ZFHX3: variants seen among roughly 807,000 people sequenced by gnomAD.
The protein encoded by ZFHX3 is zinc finger homeobox 3, also known as zinc finger homeobox protein 3.
ZFHX3 carries 42 observed loss-of-function variants against 279.1 expected under a neutral mutation model. That is an observed-to-expected ratio of 0.15 (90% confidence interval 0.12 to 0.19). The LOEUF is 0.19. Ranked by LOEUF, ZFHX3 falls within the 10% of genes least tolerant of loss-of-function variation. The probability of loss-of-function intolerance (pLI) is 1.00; values close to 1 mark genes in which losing one functional copy is unlikely to be tolerated. For synonymous variants in ZFHX3, 2,293 were observed against 1,957.8 expected (o/e 1.17, Z -4.52); for missense variants, 4,981 against 4,754.0 (o/e 1.05, Z -1.40).
intron 4 of ZFHX3, among the ~76,000 whole-genome samples, chr16:73,287,890 G>C (rs1402790953): frequency 6.6e-6 from 1 of 152,002 alleles, no homozygotes; most frequent in East Asian, 1.9e-4. Flanking sequence ...GTGTACGGCT[G>C]TGTGGGTGTG....
intron 2 of ZFHX3, among the ~76,000 whole-genome samples, chr16:73,553,274 A>C (rs2020228252): frequency 6.6e-6 from 1 of 151,912 alleles, no homozygotes; most frequent in Admixed American, 6.6e-5. Context: ...CCTTAATCTC[A>C]ACACATTTTG....
At chr16:72,876,513 GTT>G (rs1684383746) in intron 4 of ZFHX3, among the ~76,000 whole-genome samples, 1 of 151,688 alleles carries the variant, frequency 6.6e-6, no homozygotes, top group Admixed American at 6.6e-5. Flanking sequence ...CCGTTGGAAA[GTT>G]TTATTAACCA....
chr16:72,941,478 C>T (rs555762725), intron 3 of ZFHX3, among the ~76,000 whole-genome samples: 10 of 152,248 alleles, frequency 6.6e-5, no homozygotes, highest in East Asian at 3.9e-4. Context: ...AAACAAAACA[C>T]GGGATGCCCA....
At chr16:72,983,630 C>T (rs1465179228) in intron 1 of ZFHX3, among the ~76,000 whole-genome samples, 1 of 152,092 alleles carries the variant, frequency 6.6e-6, no homozygotes, top group Non-Finnish European at 1.5e-5. Flanking sequence ...TCGCTTGAGC[C>T]CAGGAGTTCG....
intron 4 of ZFHX3, among the ~76,000 whole-genome samples, chr16:73,311,763 T>C (rs1416297658): frequency 6.6e-6 from 1 of 152,204 alleles, no homozygotes; most frequent in Non-Finnish European, 1.5e-5. Flanking sequence ...ACCTCAGTGA[T>C]TTGAAACATA....
intron 1 of ZFHX3, among the ~76,000 whole-genome samples, chr16:73,040,839 A>G (rs998945164): frequency 1.3e-5 from 2 of 152,216 alleles, no homozygotes; most frequent in Non-Finnish European, 2.9e-5. Flanking sequence ...TATTTCATTT[A>G]CTTCCCACTA....
At chr16:73,872,193 A>C (rs2046414923) in intron 1 of ZFHX3, among the ~76,000 whole-genome samples, 1 of 152,088 alleles carries the variant, frequency 6.6e-6, no homozygotes, top group Non-Finnish European at 1.5e-5. Flanking sequence ...CTTATTCTCC[A>C]ATATGGCTGC....
At chr16:73,841,918 A>G (rs1473914134) in intron 1 of ZFHX3, among the ~76,000 whole-genome samples, 5 of 151,854 alleles carry the variant, frequency 3.3e-5, no homozygotes, top group Admixed American at 2.0e-4. Flanking sequence ...ACTTTATATG[A>G]AAAACAATGA....
intron 5 of ZFHX3, among the ~76,000 whole-genome samples, chr16:73,220,624 C>T (rs1317915583): frequency 6.6e-6 from 1 of 152,172 alleles, no homozygotes; most frequent in African/African-American, 2.4e-5. Flanking sequence ...CTGCTATGTT[C>T]ATTGCACAGT....
chr16:72,946,661 C>T (rs935927293), intron 3 of ZFHX3, among the ~76,000 whole-genome samples: 1 of 152,182 alleles, frequency 6.6e-6, no homozygotes, highest in African/African-American at 2.4e-5. Context: ...CGTGGAAGAG[C>T]TGGTGCCAGC....
chr16:73,516,931 C>A (rs2019532695), intron 2 of ZFHX3, among the ~76,000 whole-genome samples: 2 of 152,198 alleles, frequency 1.3e-5, no homozygotes, highest in South Asian at 4.1e-4. Flanking sequence ...TAAGAGGTGT[C>A]TTTGCATTTG....
intron 2 of ZFHX3, among the ~76,000 whole-genome samples, chr16:73,585,929 A>G (rs989843989): frequency 2.6e-5 from 4 of 152,218 alleles, no homozygotes; most frequent in African/African-American, 9.6e-5. Context: ...AAAAAAATAA[A>G]CGTGGGATAA....
intron 3 of ZFHX3, among the ~76,000 whole-genome samples, chr16:73,335,431 A>G (rs1254548522): frequency 6.6e-6 from 1 of 152,224 alleles, no homozygotes; most frequent in Non-Finnish European, 1.5e-5. Context: ...GAATATATCC[A>G]GTATTTCCAG....
Position 72,950,496 on chromosome 16 carries a change from C to T in ZFHX3, c.3189G>A (p.Arg1063=). 2 of 1,614,086 alleles carry T rather than the reference C, an allele frequency of 1.2e-6. No homozygotes were observed. The highest frequency in any genetic ancestry group is 1.7e-4 in the Middle Eastern group (1 of 6,058). The change falls in exon 3 of 10, where the codon AGG becomes AGA. Residue 1063 remains arginine (R), a synonymous_variant. Transcript: ENST00000268489. ...TGTACAACTTCAGGCTGGCCTCGTG[C>T]CTGGAGTTGACCGTGTGCAGCCGCA... The part of the protein sequence containing the change: ...EKLRLHTVNS[R]HEASLKLYKH...
At chr16:73,695,843 C>T (rs1489982393) in intron 1 of ZFHX3, among the ~76,000 whole-genome samples, 1 of 152,112 alleles carries the variant, frequency 6.6e-6, no homozygotes. Context: ...TCTCCACTGC[C>T]TTCTCTCCCA....
intron 2 of ZFHX3, among the ~76,000 whole-genome samples, chr16:73,528,737 G>A (rs2019738896): frequency 6.6e-6 from 1 of 152,194 alleles, no homozygotes; most frequent in Non-Finnish European, 1.5e-5. Flanking sequence ...GTTCAGTCTT[G>A]TTTTGACCAA....
At chr16:72,939,353 A>C (rs1471439528) in intron 3 of ZFHX3, among the ~76,000 whole-genome samples, 1 of 152,206 alleles carries the variant, frequency 6.6e-6, no homozygotes, top group Non-Finnish European at 1.5e-5. Context: ...AATCTGGAAC[A>C]TGAAACATTC....
intron 5 of ZFHX3, among the ~76,000 whole-genome samples, chr16:73,149,783 A>G (rs1048762823): frequency 6.6e-6 from 1 of 152,204 alleles, no homozygotes; most frequent in African/African-American, 2.4e-5. Flanking sequence ...AACAATAATT[A>G]TTATTTAATA....
chr16:73,525,280 G>T (rs760848089), intron 2 of ZFHX3, among the ~76,000 whole-genome samples: 2 of 152,186 alleles, frequency 1.3e-5, no homozygotes, highest in Non-Finnish European at 2.9e-5. Flanking sequence ...ACAAGCCAAA[G>T]TCACGCCACT....
Sources: gnomAD v4.1 joint callset for allele counts (sites outside exome capture counted in the v4.1 genomes callset) on GRCh38, gnomAD v4.1.1 for gene constraint, MANE v1.5 for transcripts, NCBI Gene and HGNC (gene_info 2026-07-23, HGNC 2026-07-21) for gene names.